The following TENM4 variants were observed in gnomAD, a reference collection of about 807,000 sequenced individuals.
TENM4 encodes the protein teneurin transmembrane protein 4.
A neutral mutation model predicts 243.3 loss-of-function variants in TENM4; 82 were observed. The ratio of observed to expected loss-of-function variants is 0.34; its 90% confidence interval spans 0.28 to 0.40. The LOEUF (loss-of-function observed/expected upper bound fraction) is 0.40, where lower values mean the gene tolerates loss of function less well. Ranked by LOEUF, TENM4 falls within the 10% of genes least tolerant of loss-of-function variation. The pLI is 1.00. For synonymous variants in TENM4, 1,412 were observed against 1,456.3 expected, an observed-to-expected ratio of 0.97 and a Z score of 0.69; for missense variants, 3,138 against 3,673.3, an observed-to-expected ratio of 0.85 and a Z score of 3.77.
At chr11:79,149,769 G>A (rs949359731) in intron 3 of TENM4, among the ~76,000 whole-genome samples, 6 of 152,164 alleles carry the variant, frequency 3.9e-5, no homozygotes, top group Non-Finnish European at 7.4e-5. Context: ...AAATGTTTCT[G>A]CATCTCCATT....
At chr11:78,725,370 A>T (rs1855487826) in intron 23 of TENM4, among the ~76,000 whole-genome samples, 1 of 152,208 alleles carries the variant, frequency 6.6e-6, no homozygotes, top group African/African-American at 2.4e-5. Context: ...CATCATTACC[A>T]TATTTAGCTG....
rs1400348079 is a variant in TENM4 at position 78,655,151 on chromosome 11, A to AG, written c.*2906dup. On this transcript the variant is annotated 3_prime_UTR_variant, in exon 34 of 34. Transcript: ENST00000278550. ...CTGGTCTTAGCAGGAGGACAGCTTG[A>AG]GGAGGGAGTCACTGAGTCACCTGCA... The AG allele has an allele frequency of 2.6e-5, 4 of 152,338 alleles. No individual in the cohort carries two copies. Among genetic ancestry groups the AG allele is most frequent in the Non-Finnish European group, 5.9e-5 (4 of 68,174 alleles). 9.4% of individuals were successfully genotyped at this position (152,338 alleles called of 1,614,324 possible).
intron 1 of TENM4, among the ~76,000 whole-genome samples, chr11:79,315,114 A>T (rs1427772041): frequency 3.3e-5 from 5 of 152,230 alleles, no homozygotes; most frequent in Admixed American, 6.5e-5. Context: ...GGAGTTTACT[A>T]GAAAAAAGGA....
chr11:79,307,607 C>G (rs1349522269), intron 1 of TENM4, among the ~76,000 whole-genome samples: 1 of 152,150 alleles, frequency 6.6e-6, no homozygotes, highest in Non-Finnish European at 1.5e-5. Context: ...AAGATGTGAC[C>G]CCAGCCCTGG....
chr11:79,111,815 C>T (rs1861514683), intron 4 of TENM4, among the ~76,000 whole-genome samples: 1 of 151,962 alleles, frequency 6.6e-6, no homozygotes, highest in African/African-American at 2.4e-5. Flanking sequence ...ATGGGTCATA[C>T]AGAGAAAGGA....
chr11:78,776,045 T>C (rs1856733211), intron 17 of TENM4, among the ~76,000 whole-genome samples: 1 of 152,158 alleles, frequency 6.6e-6, no homozygotes, highest in South Asian at 2.1e-4. Context: ...ACTGGTCCTC[T>C]TGTACTTTTT....
chr11:78,676,702 G>A lies in TENM4; in HGVS notation c.5261-315C>T, dbSNP rs575323910. The stretch of plus-strand genomic sequence containing the variant: ...TTCACTGATCATTGTATTATATCAT[G>A]TTACTGAATATTTTTCATAAACATT... On this transcript the variant is annotated intron_variant, in intron 29 of 33. Transcript: ENST00000278550. 3.3e-5 allele frequency among the ~76,000 whole-genome samples: 5 copies of A among 152,222 alleles called. 1 individual carries two copies. Among genetic ancestry groups the A allele is most frequent in the African/African-American group, 1.2e-4 (5 of 41,536 alleles).
chr11:78,854,765 T>C lies in TENM4; in HGVS notation c.1471-451A>G, dbSNP rs77141257. Among the ~76,000 whole-genome samples, 1,073 of 152,220 alleles carry C rather than the reference T, an allele frequency of 7.0e-3. 25 individuals carry two copies. Among genetic ancestry groups the C allele is most frequent in the African/African-American group, 0.025 (1,032 of 41,534 alleles). ...GGTGGCTGGGACTGGGATTGGAGCATTGGATGTGATTGGAACATCAGTCAT... is the reference window on the plus strand; with the variant it reads ...GGTGGCTGGGACTGGGATTGGAGCACTGGATGTGATTGGAACATCAGTCAT... On this transcript the variant is annotated intron_variant, in intron 11 of 33. Transcript: ENST00000278550.
intron 2 of TENM4, among the ~76,000 whole-genome samples, chr11:79,246,944 T>A (rs1852013634): frequency 6.6e-6 from 1 of 150,628 alleles, no homozygotes; most frequent in Non-Finnish European, 1.5e-5. Flanking sequence ...GGACAGTACA[T>A]GTATGTGTTG....
Position 79,037,618 on chromosome 11 carries a change from C to T in TENM4, c.493+27120G>A, listed in dbSNP as rs143188660. ...CCATACACTTTGGGAGAAATCCTTC[C>T]CTAATCAACCACCATGTCTCAAATT... On this transcript the variant is annotated intron_variant, in intron 6 of 33. Transcript: ENST00000278550. Among the ~76,000 whole-genome samples, 20 of 152,272 alleles carry T rather than the reference C, an allele frequency of 1.3e-4. No individual in the cohort carries two copies. The East Asian group carries it at 3.9e-3, about 29-fold the overall frequency.
At chr11:79,020,290 G>T (rs532398610) in intron 6 of TENM4, among the ~76,000 whole-genome samples, 1 of 152,268 alleles carries the variant, frequency 6.6e-6, no homozygotes. Context: ...TAATTTTGCA[G>T]ACACAAAAAG....
chr11:79,277,777 T>C (rs1368273732), intron 2 of TENM4, among the ~76,000 whole-genome samples: 1 of 152,006 alleles, frequency 6.6e-6, no homozygotes, highest in Non-Finnish European at 1.5e-5. Context: ...ACCCCAAAGG[T>C]GCTTTTGGCC....
chr11:79,344,767 A>T (rs1403923550), intron 1 of TENM4, among the ~76,000 whole-genome samples: 4 of 152,220 alleles, frequency 2.6e-5, no homozygotes, highest in Non-Finnish European at 4.4e-5. Flanking sequence ...CCATCTGCCC[A>T]ATTTTACCTA....
At chr11:78,770,244 C>T (rs1856620115) in intron 18 of TENM4, among the ~76,000 whole-genome samples, 1 of 152,100 alleles carries the variant, frequency 6.6e-6, no homozygotes, top group Non-Finnish European at 1.5e-5. Context: ...GTGAATGCAA[C>T]AGAAAAATGA....
intron 9 of TENM4, among the ~76,000 whole-genome samples, chr11:78,886,487 G>A (rs1247449101): frequency 6.6e-6 from 1 of 152,214 alleles, no homozygotes; most frequent in African/African-American, 2.4e-5. Flanking sequence ...GGGTGGGATG[G>A]CCTGCACACC....
intron 26 of TENM4, 133 bp downstream of exon 26, chr11:78,712,347 TCA>T (rs1859417247): frequency 1.4e-6 from 1 of 713,978 alleles, no homozygotes; most frequent in East Asian, 2.7e-5. Context: ...GGTGGAATTA[TCA>T]CAGTTTTTAC....
chr11:79,019,948 C>T (rs1338051283), intron 6 of TENM4, among the ~76,000 whole-genome samples: 1 of 152,192 alleles, frequency 6.6e-6, no homozygotes, highest in African/African-American at 2.4e-5. Context: ...CTTCAGGCAC[C>T]TGAGTACCTG....
intron 1 of TENM4, among the ~76,000 whole-genome samples, chr11:79,363,152 T>A (rs1226869402): frequency 1.3e-5 from 2 of 152,180 alleles, no homozygotes; most frequent in African/African-American, 2.4e-5. Flanking sequence ...ATTAAAAATC[T>A]AGATTTCCAG....
intron 21 of TENM4, among the ~76,000 whole-genome samples, chr11:78,731,998 C>T (rs866840219): frequency 3.5e-4 from 54 of 152,268 alleles, no homozygotes; most frequent in African/African-American, 1.2e-3. Context: ...CAGAGGGACA[C>T]AGGAGGCTGG....
Sources: allele counts gnomAD v4.1 joint callset (sites outside exome capture counted in the v4.1 genomes callset), GRCh38; gene constraint gnomAD v4.1.1; transcripts MANE v1.5; gene names NCBI Gene and HGNC (gene_info 2026-07-23, HGNC 2026-07-21).